Variants in DHX58 observed in about 807,000 individuals in gnomAD.
DHX58 encodes the protein DExH-box helicase 58, also known as ATP-dependent RNA helicase DHX58.
DHX58 carries 51 observed loss-of-function variants against 65.0 expected under a neutral mutation model. That is an observed-to-expected ratio of 0.78 (90% CI 0.63 to 0.99). The LOEUF (loss-of-function observed/expected upper bound fraction) is 0.99, where lower values mean the gene tolerates loss of function less well. DHX58 is among the 50% of genes least tolerant of loss of function. The probability of loss-of-function intolerance (pLI) is 0.00; values close to 1 mark genes in which losing one functional copy is unlikely to be tolerated. For synonymous variants in DHX58, 350 were observed against 365.0 expected, an observed-to-expected ratio of 0.96 and a Z score of 0.47; for missense variants, 773 against 891.8, an observed-to-expected ratio of 0.87 and a Z score of 1.70.
At position 42,107,753 on chromosome 17, in the gene DHX58, T is replaced by G. The variant is rs2054085156; in HGVS notation, c.848A>C (p.His283Pro). 5 of 1,598,944 alleles carry G rather than the reference T, an allele frequency of 3.1e-6. No homozygotes were observed. Among genetic ancestry groups the G allele is most frequent in the Non-Finnish European group, 3.4e-6 (4 of 1,172,648 alleles). The change falls in exon 8 of 14, where the codon CAC (histidine) becomes CCC (proline). Residue 283 changes from histidine (H) to proline (P), a missense_variant. Transcript: ENST00000251642. ...CAGCGCGTCATTGTAGCGCCTCAGGTGAAGCGCATACACCCGTTGCTCCTG... is the reference window on the plus strand; with the variant it reads ...CAGCGCGTCATTGTAGCGCCTCAGGGGAAGCGCATACACCCGTTGCTCCTG... ...GLQEQRVYAL[H>P]LRRYNDALLI...
chr17:42,106,121 T>C, intron 8 of DHX58, 132 bp from the exon 9 acceptor site: 1 of 854,852 alleles, frequency 1.2e-6, no homozygotes, highest in Non-Finnish European at 1.7e-6. Context: ...ATTGCACCAC[T>C]GCACTCCAGG....
At chr17:42,102,048 C>T in intron 13 of DHX58, 102 bp from the exon 14 acceptor site, 2 of 1,460,498 alleles carry the variant, frequency 1.4e-6, no homozygotes, top group Admixed American at 2.0e-5. Flanking sequence ...TTCCTCCCAC[C>T]TGAGATGTCA....
chr17:42,112,388 C>A, intron 1 of DHX58, 183 bp from the exon 2 acceptor site: 1 of 297,204 alleles, frequency 3.4e-6, no homozygotes, highest in Non-Finnish European at 5.8e-6. Flanking sequence ...ATTGGTAGGG[C>A]CACAGCTCCA....
chr17:42,101,463 T>G lies in DHX58; in HGVS notation c.*298A>C. The G allele has an allele frequency of 3.5e-6, 1 of 284,118 alleles. No homozygotes were observed. Among genetic ancestry groups the G allele is most frequent in the East Asian group, 6.1e-5 (1 of 16,402 alleles). The allele number at this position is 284,118 out of a possible 1,614,324, so 17.6% of individuals were successfully genotyped here. On this transcript the variant is annotated 3_prime_UTR_variant, in exon 14 of 14. Coordinates refer to ENST00000251642, the MANE Select transcript of DHX58 (RefSeq NM_024119.3). ...GAGCCTCAAAAAATAGAAGTGGCCT[T>G]GGTAGGGAAGGAATGTCGTGATTCT...
chr17:42,105,186 G>A lies in DHX58; in HGVS notation c.1252-19C>T. On this transcript the variant is annotated intron_variant, in intron 9 of 13. Coordinates refer to ENST00000251642, the MANE Select transcript of DHX58 (RefSeq NM_024119.3). ...GGTCCCTCTGCAGGCGGAGGGCAGG[G>A]AGGAGAAAGAGGCTGGTACATGAGG... 6.3e-7 allele frequency: 1 copy of A among 1,592,716 alleles called. No homozygotes were observed. Among genetic ancestry groups the A allele is most frequent in the South Asian group, 1.1e-5 (1 of 88,128 alleles).
At position 42,107,672 on chromosome 17, in the gene DHX58, T is replaced by TA; in HGVS notation, c.928dup (p.Tyr310LeufsTer8). The TA allele has an allele frequency of 6.2e-7, 1 of 1,613,294 alleles. No individual in the cohort carries two copies. Among genetic ancestry groups the TA allele is most frequent in the Non-Finnish European group, 8.5e-7 (1 of 1,179,718 alleles). On this transcript the variant is annotated frameshift_variant, in exon 8 of 14. Coordinates refer to ENST00000251642, the MANE Select transcript of DHX58 (RefSeq NM_024119.3). LOFTEE classifies it high-confidence loss of function. ...GGTTTTAGTGACGTGCTCCCTGTGATAGAAATCCTGCAGCGCAGCCAAGGC... is the reference window on the plus strand; with the variant it reads ...GGTTTTAGTGACGTGCTCCCTGTGATAAGAAATCCTGCAGCGCAGCCAAGGC...
intron 9 of DHX58, 96 bp downstream of exon 9, chr17:42,105,640 C>T (rs2143992842): frequency 6.8e-7 from 1 of 1,480,908 alleles, no homozygotes; most frequent in South Asian, 1.4e-5. Flanking sequence ...CCCAGGGTCT[C>T]CCTGCCCCCA....
rs1568002693 is a variant in DHX58, at chr17:42,105,056, GCAC to G, written c.1360_1362del (p.Val454del). On this transcript the variant is annotated inframe_deletion, in exon 10 of 14. Coordinates refer to ENST00000251642, the MANE Select transcript of DHX58 (RefSeq NM_024119.3). ...ATTTCATTGGTCAAGAGCCCATAAC[GCAC>G]CACCACATTGCAATGTGGGATGTCC... is the stretch of plus-strand genomic sequence containing the variant. 3 of 1,613,670 alleles carry G rather than the reference GCAC, an allele frequency of 1.9e-6. No individual in the cohort carries two copies. In the South Asian group the frequency reaches 3.3e-5, roughly 18 times the overall value.
At chr17:42,111,143 T>C (rs1255259386) in intron 4 of DHX58, among the ~76,000 whole-genome samples, 153 bp downstream of exon 4, 1 of 152,198 alleles carries the variant, frequency 6.6e-6, no homozygotes, top group Non-Finnish European at 1.5e-5. Context: ...TAGCCCGGCC[T>C]GTTTCTACTA....
At chr17:42,110,159 C>A (rs1189937170) in intron 5 of DHX58, among the ~76,000 whole-genome samples, 4 of 147,422 alleles carry the variant, frequency 2.7e-5, no homozygotes, top group African/African-American at 1.0e-4. Flanking sequence ...TGCCCTCCAG[C>A]CTGGGCGACA....
intron 13 of DHX58, 97 bp from the exon 14 acceptor site, chr17:42,102,043 C>T: frequency 6.8e-7 from 1 of 1,467,760 alleles, no homozygotes; most frequent in Non-Finnish European, 9.2e-7. Flanking sequence ...GCCTTTTCCT[C>T]CCACCTGAGA....
chr17:42,105,162 G>A lies in DHX58; in HGVS notation c.1257C>T (p.Asp419=), dbSNP rs371414446. ...GGAACTTCTGGATCACTTCTTGCTG[G>A]TCCCTCTGCAGGCGGAGGGCAGGGA... The part of the protein sequence containing the change: ...SSQSTHMTQR[D]QQEVIQKFQD... The change falls in exon 10 of 14, where the codon GAC becomes GAT. Residue 419 remains aspartate, a synonymous_variant. Transcript: ENST00000251642. 9.3e-6 allele frequency: 15 copies of A among 1,611,462 alleles called. No individual in the cohort carries two copies. Among genetic ancestry groups the A allele is most frequent in the Non-Finnish European group, 1.3e-5 (15 of 1,178,716 alleles).
In DHX58 at chr17:42,103,537, G is replaced by A. The variant is rs551605386; in HGVS notation, c.1754+71C>T. The A allele has an allele frequency of 3.8e-6, 6 of 1,568,292 alleles. No homozygotes were observed. The East Asian group carries it at 9.2e-5, about 24-fold the overall frequency. ...CTACAATGCTCTTTAGCTTCCCAAA[G>A]CTTCAAAGCACTGTCTGGATGGGAA... is the stretch of plus-strand genomic sequence containing the variant. On this transcript the variant is annotated intron_variant, in intron 12 of 13. Transcript: ENST00000251642.
In DHX58 at chr17:42,105,950, G is replaced by A; in HGVS notation, c.1037C>T (p.Pro346Leu). Reference protein sequence around the residue: ...NELAHLATHGPENPKLEMLEK... With the variant: ...NELAHLATHGLENPKLEMLEK... ...CAGCATCTCCAGTTTTGGATTCTCT[G>A]GGCCATGAGTTGCCAAGTGGGCCAG... Residue 346 changes from proline to leucine, a missense_variant, in exon 9 of 14, where the codon CCA becomes CTA. Coordinates refer to ENST00000251642, the MANE Select transcript of DHX58 (RefSeq NM_024119.3). 1 of 1,613,702 alleles carries A rather than the reference G, an allele frequency of 6.2e-7. No homozygotes were observed. The highest frequency in any genetic ancestry group is 8.5e-7 in the Non-Finnish European group (1 of 1,179,974).
In DHX58 at chr17:42,112,107, A is replaced by T. The variant is rs3744484; in HGVS notation, c.-2+6T>A. On this transcript the variant is annotated splice_donor_region_variant and intron_variant, in intron 2 of 13. Transcript: ENST00000251642. The stretch of plus-strand genomic sequence containing the variant: ...ACACCTGCCCCCTGCCCAGCCCAGG[A>T]CTCACCTGCTCTAGTAGGTAGGTCT... 0.24 allele frequency: 133,330 copies of T among 552,932 alleles called. 24,603 individuals carry two copies. The highest frequency in any genetic ancestry group is 0.77 in the African/African-American group (40,471 of 52,550). The allele number at this position is 552,932 out of a possible 1,614,324, so 34.3% of individuals were successfully genotyped here.
Position 42,102,564 on chromosome 17 carries a change from T to A in DHX58, c.1755-252A>T, listed in dbSNP as rs112998634. On this transcript the variant is annotated intron_variant, in intron 12 of 13. Transcript: ENST00000251642. Reference sequence around the variant, plus strand: ...TTCACAGTCTCCTTATGGGTCTCTCTGCCTCCATTTTTACTCCCAATCCCA... The same window carrying A: ...TTCACAGTCTCCTTATGGGTCTCTCAGCCTCCATTTTTACTCCCAATCCCA... The A allele has an allele frequency of 2.0e-4, 80 of 405,024 alleles. 5 individuals carry two copies. The highest frequency in any genetic ancestry group is 1.2e-3 in the African/African-American group (59 of 49,332). The allele number at this position is 405,024 out of a possible 1,614,324, so 25.1% of individuals were successfully genotyped here. A position where few individuals can be genotyped will look rare whatever the true frequency, so the allele number is the denominator to read the frequency against.
At position 42,105,883 on chromosome 17, in the gene DHX58, A is replaced by G; in HGVS notation, c.1104T>C (p.Pro368=). 6.2e-7 allele frequency: 1 copy of G among 1,613,926 alleles called. No homozygotes were observed. Among genetic ancestry groups the G allele is most frequent in the Non-Finnish European group, 8.5e-7 (1 of 1,180,016 alleles). Residue 368 remains proline, a synonymous_variant, in exon 9 of 14, where the codon CCT becomes CCC. Transcript: ENST00000251642. ...LQRQFSSSNS[P]RGIIFTRTRQ... is the part of the protein sequence containing the mutation. ...GGGTGCGGGTGAAGATGATACCCCG[A>G]GGGCTGTTAGAGCTACTGAACTGCC...
chr17:42,104,688 G>T, intron 11 of DHX58, 78 bp downstream of exon 11: 1 of 1,561,234 alleles, frequency 6.4e-7, no homozygotes, highest in Non-Finnish European at 8.7e-7. Context: ...GGGGACGTAT[G>T]TGTGCAGTCA....
In DHX58 at chr17:42,101,614, G is replaced by A. The variant is rs1204140850; in HGVS notation, c.*147C>T. 2.0e-5 allele frequency: 21 copies of A among 1,058,312 alleles called. No homozygotes were observed. Among genetic ancestry groups the A allele is most frequent in the Admixed American group, 1.4e-4 (5 of 36,434 alleles). 65.6% of individuals were successfully genotyped at this position (1,058,312 alleles called of 1,614,324 possible). A position where few individuals can be genotyped will look rare whatever the true frequency, so the allele number is the denominator to read the frequency against. ...GGCCCTCCGGTTGTTTTCCCATTGCGGGAGCCTAAGCCAGGGTGCCCAGGA... is the reference window on the plus strand; with the variant it reads ...GGCCCTCCGGTTGTTTTCCCATTGCAGGAGCCTAAGCCAGGGTGCCCAGGA... On this transcript the variant is annotated 3_prime_UTR_variant, in exon 14 of 14. Transcript: ENST00000251642.
Sources: allele counts gnomAD v4.1 joint callset (sites outside exome capture counted in the v4.1 genomes callset), GRCh38; gene constraint gnomAD v4.1.1; transcripts MANE v1.5; gene names NCBI Gene and HGNC (gene_info 2026-07-23, HGNC 2026-07-21).